The following NRXN1 variants were observed in gnomAD, a reference collection of about 807,000 sequenced individuals.
NRXN1 encodes neurexin 1.
NRXN1 carries 39 observed loss-of-function variants against 150.9 expected under a neutral mutation model. The ratio of observed to expected loss-of-function variants is 0.26; its 90% CI spans 0.20 to 0.34. NRXN1 has a LOEUF of 0.34. Among genes scored for constraint, NRXN1 ranks in the 10% least tolerant of loss-of-function variants. The probability of loss-of-function intolerance (pLI) is 1.00; values close to 1 mark genes in which losing one functional copy is unlikely to be tolerated. For missense variants in NRXN1, 1,815 were observed against 1,949.9 expected (o/e 0.93, Z 1.30); for synonymous variants, 924 against 757.0 (o/e 1.22, Z -3.62).
At chr2:50,513,466 T>C (rs1472851535) in intron 12 of NRXN1, among the ~76,000 whole-genome samples, 1 of 152,208 alleles carries the variant, frequency 6.6e-6, no homozygotes, top group African/African-American at 2.4e-5. Context: ...TGTGTTTGGT[T>C]ATTTAATTCC....
At chr2:50,924,395 G>A (rs954965246) in intron 3 of NRXN1, among the ~76,000 whole-genome samples, 2 of 151,716 alleles carry the variant, frequency 1.3e-5, no homozygotes, top group African/African-American at 4.8e-5. Flanking sequence ...ACCATGGGAT[G>A]AGTGTGTGTG....
intron 8 of NRXN1, among the ~76,000 whole-genome samples, chr2:50,617,852 C>T (rs1180054267): frequency 1.3e-5 from 2 of 152,120 alleles, no homozygotes; most frequent in Non-Finnish European, 2.9e-5. Flanking sequence ...ATCTGAAGCA[C>T]GGTTTAATTT....
chr2:50,637,319 C>A (rs1041120544), intron 5 of NRXN1, among the ~76,000 whole-genome samples: 1 of 152,028 alleles, frequency 6.6e-6, no homozygotes, highest in African/African-American at 2.4e-5. Context: ...ATTTTTCATC[C>A]CAGATTCCCT....
chr2:50,877,182 T>C (rs371893459), intron 5 of NRXN1, among the ~76,000 whole-genome samples: 7 of 137,232 alleles, frequency 5.1e-5, no homozygotes, highest in Admixed American at 2.1e-4. Flanking sequence ...AACACACACA[T>C]AGACACACAC....
intron 17 of NRXN1, among the ~76,000 whole-genome samples, chr2:50,369,293 T>C (rs1344764992): frequency 6.6e-6 from 1 of 152,052 alleles, no homozygotes; most frequent in Non-Finnish European, 1.5e-5. Flanking sequence ...GTGTATTATA[T>C]ATAGCCTATA....
chr2:50,403,373 A>C (rs2082526988), intron 17 of NRXN1, among the ~76,000 whole-genome samples: 1 of 152,104 alleles, frequency 6.6e-6, no homozygotes, highest in Non-Finnish European at 1.5e-5. Context: ...GGAATCTTAG[A>C]TTTCATCCCA....
chr2:49,956,467 T>A (rs1305867231), intron 21 of NRXN1, among the ~76,000 whole-genome samples: 1 of 152,164 alleles, frequency 6.6e-6, no homozygotes, highest in Non-Finnish European at 1.5e-5. Flanking sequence ...TAATAAATGG[T>A]GCCAGTGTTT....
At chr2:50,807,129 G>C (rs1190531481) in intron 5 of NRXN1, among the ~76,000 whole-genome samples, 2 of 152,076 alleles carry the variant, frequency 1.3e-5, no homozygotes, top group Non-Finnish European at 2.9e-5. Flanking sequence ...TAGAGTCTCT[G>C]AATCATATTA....
intron 18 of NRXN1, among the ~76,000 whole-genome samples, chr2:50,234,083 T>G (rs867011620): frequency 3.9e-5 from 6 of 152,096 alleles, no homozygotes; most frequent in African/African-American, 1.4e-4. Flanking sequence ...TTTTAATTTC[T>G]AATTCCTCTT....
chr2:50,951,942 A>AATATATAT lies in NRXN1; in HGVS notation c.773-25995_773-25988dup, dbSNP rs1165247495. On this transcript the variant is annotated intron_variant, in intron 2 of 22. Transcript: ENST00000401669. ...AGAGTAGCAAAACTGTACATGAATA[A>AATATATAT]ATATATATATATATATATATATTTT... Among the ~76,000 whole-genome samples, 250 of 112,702 alleles carry AATATATAT rather than the reference A, an allele frequency of 2.2e-3. 2 individuals are homozygous for AATATATAT. The highest frequency in any genetic ancestry group is 5.9e-3 in the Middle Eastern group (1 of 170). 73.9% of individuals were successfully genotyped at this position (112,702 alleles called of 152,430 possible).
chr2:50,808,646 T>C (rs1667825310), intron 5 of NRXN1, among the ~76,000 whole-genome samples: 4 of 152,142 alleles, frequency 2.6e-5, no homozygotes, highest in Admixed American at 2.6e-4. Context: ...CATAGTGTTT[T>C]CTGACTCTTG....
At chr2:50,128,267 GAGAT>G (rs763750887) in intron 18 of NRXN1, among the ~76,000 whole-genome samples, 29 of 152,174 alleles carry the variant, frequency 1.9e-4, no homozygotes, top group Non-Finnish European at 4.0e-4. Context: ...AAAGAAAAAA[GAGAT>G]AGAGAAAGAC....
intron 17 of NRXN1, among the ~76,000 whole-genome samples, chr2:50,385,869 T>C (rs1434420268): frequency 6.6e-6 from 1 of 152,034 alleles, no homozygotes. Flanking sequence ...AGAAATTTCC[T>C]AAGAAAAAAA....
rs146311551 is a variant in NRXN1, at chr2:50,158,969, C to T, written c.3547-67475G>A. Among the ~76,000 whole-genome samples, 32 of 152,178 alleles carry T rather than the reference C, an allele frequency of 2.1e-4. 1 individual carries two copies. In the East Asian group the frequency reaches 2.5e-3, roughly 12 times the overall value. ...TCCAAGGATCACCTACCATTCATCA[C>T]ACGCAAGGTAACTGCTTTCCCCTAA... is the stretch of plus-strand genomic sequence containing the variant. On this transcript the variant is annotated intron_variant, in intron 18 of 22. Coordinates refer to ENST00000401669, the MANE Select transcript of NRXN1 (RefSeq NM_001330078.2).
intron 21 of NRXN1, among the ~76,000 whole-genome samples, chr2:50,050,719 G>A (rs546941548): frequency 6.6e-6 from 1 of 151,798 alleles, no homozygotes; most frequent in Non-Finnish European, 1.5e-5. Flanking sequence ...AGTCAATTAC[G>A]AATTATGGAA....
intron 5 of NRXN1, among the ~76,000 whole-genome samples, chr2:50,664,396 C>CGTGTGTGTGT (rs35702112): frequency 5.9e-4 from 64 of 108,078 alleles, no homozygotes; most frequent in South Asian, 1.2e-3. Context: ...AAGTTTAAAG[C>CGTGTGTGTGT]GTGTGTGTGT....
At chr2:50,061,642 A>T (rs907504480) in intron 19 of NRXN1, among the ~76,000 whole-genome samples, 7 of 152,244 alleles carry the variant, frequency 4.6e-5, no homozygotes, top group African/African-American at 1.7e-4. Flanking sequence ...ATAAAACTCT[A>T]CTATAGCAAC....
intron 12 of NRXN1, among the ~76,000 whole-genome samples, chr2:50,514,730 G>A (rs2092574527): frequency 6.6e-6 from 1 of 152,162 alleles, no homozygotes; most frequent in Non-Finnish European, 1.5e-5. Flanking sequence ...TAGCTTGAGA[G>A]CTATAGTGTT....
At chr2:50,810,337 T>A (rs3914732) in intron 5 of NRXN1, among the ~76,000 whole-genome samples, 6 of 152,016 alleles carry the variant, frequency 3.9e-5, no homozygotes, top group Non-Finnish European at 7.4e-5. Flanking sequence ...CTACATATAC[T>A]GAGAGGAATA....
Sources: allele counts gnomAD v4.1 joint callset (sites outside exome capture counted in the v4.1 genomes callset), GRCh38; gene constraint gnomAD v4.1.1; transcripts MANE v1.5; gene names NCBI Gene and HGNC (gene_info 2026-07-23, HGNC 2026-07-21).